The following MDGA2 variants were observed in gnomAD, a reference collection of about 807,000 sequenced individuals.
MDGA2 encodes MAM domain-containing glycosylphosphatidylinositol anchor protein 2.
Under a neutral mutation model 117.8 loss-of-function variants are expected in MDGA2, and 40 were observed. The ratio of observed to expected loss-of-function variants is 0.34; its 90% confidence interval spans 0.26 to 0.44. The LOEUF (loss-of-function observed/expected upper bound fraction) is 0.44, where lower values mean the gene tolerates loss of function less well. Ranked by LOEUF, MDGA2 falls within the 20% of genes least tolerant of loss-of-function variation. The pLI is 1.00. For synonymous variants in MDGA2, 452 were observed against 439.0 expected (o/e 1.03, Z -0.37); for missense variants, 1,123 against 1,250.6 (o/e 0.90, Z 1.54).
chr14:47,631,920 A>AT (rs1364547320), intron 1 of MDGA2, among the ~76,000 whole-genome samples: 2 of 145,010 alleles, frequency 1.4e-5, no homozygotes, highest in Non-Finnish European at 3.1e-5. Context: ...ACATTACGAG[A>AT]TTTTTTTAAG....
At chr14:46,919,874 C>A (rs892064410) in intron 10 of MDGA2, 138 bp downstream of exon 10, 6 of 654,992 alleles carry the variant, frequency 9.2e-6, no homozygotes, top group Non-Finnish European at 1.4e-5. Context: ...GAAAACATAT[C>A]TATCTGTCTA....
At chr14:47,416,036 T>A (rs185558847) in intron 1 of MDGA2, among the ~76,000 whole-genome samples, 10 of 152,250 alleles carry the variant, frequency 6.6e-5, no homozygotes, top group Admixed American at 5.2e-4. Flanking sequence ...CTGCCCAAAT[T>A]TGTGACTTTT....
intron 3 of MDGA2, chr14:47,200,920 G>A (rs533453281): frequency 1.2e-6 from 1 of 845,012 alleles, no homozygotes. Flanking sequence ...TGGTCTTGTG[G>A]GGCAGCAAGC....
intron 6 of MDGA2, among the ~76,000 whole-genome samples, chr14:47,064,975 G>A (rs1205175537): frequency 2.6e-5 from 4 of 152,012 alleles, no homozygotes; most frequent in Non-Finnish European, 5.9e-5. Flanking sequence ...ATGGAAAAAG[G>A]ATAGCAGAAA....
intron 1 of MDGA2, among the ~76,000 whole-genome samples, chr14:47,609,599 T>C (rs1397577649): frequency 1.3e-5 from 2 of 151,162 alleles, no homozygotes; most frequent in Middle Eastern, 3.4e-3. Context: ...TCTGGGTAGA[T>C]ACCCAGTAGT....
chr14:47,168,871 T>C (rs1429384210), intron 3 of MDGA2, among the ~76,000 whole-genome samples: 1 of 152,122 alleles, frequency 6.6e-6, no homozygotes, highest in Non-Finnish European at 1.5e-5. Context: ...GACTGGGAAC[T>C]AAATCACCTA....
intron 2 of MDGA2, among the ~76,000 whole-genome samples, chr14:47,220,017 T>G (rs895569844): frequency 2.0e-5 from 3 of 152,004 alleles, no homozygotes; most frequent in African/African-American, 7.2e-5. Flanking sequence ...TAAAGAAGTT[T>G]TAAAAATGAA....
chr14:47,618,107 CATT>C (rs1896980262), intron 1 of MDGA2, among the ~76,000 whole-genome samples: 1 of 152,066 alleles, frequency 6.6e-6, no homozygotes, highest in Admixed American at 6.6e-5. Context: ...TAATTATCAT[CATT>C]ATGGCCAAAA....
At chr14:47,371,334 A>C (rs1453352628) in intron 1 of MDGA2, among the ~76,000 whole-genome samples, 9 of 151,824 alleles carry the variant, frequency 5.9e-5, no homozygotes, top group Non-Finnish European at 8.9e-5. Context: ...CTAAAGTACT[A>C]CTTAAAGTCT....
chr14:47,053,258 T>G (rs1356603743), intron 7 of MDGA2, among the ~76,000 whole-genome samples: 4 of 151,934 alleles, frequency 2.6e-5, no homozygotes, highest in Admixed American at 6.6e-5. Flanking sequence ...CTTCTTATTC[T>G]CTTCTTGGGT....
Position 47,397,428 on chromosome 14 carries a change from T to C in MDGA2, c.281-95878A>G, listed in dbSNP as rs984777091. Among the ~76,000 whole-genome samples the C allele has an allele frequency of 3.9e-5, 6 of 152,150 alleles. No individual in the cohort carries two copies. In the East Asian group the frequency reaches 1.2e-3, roughly 29 times the overall value. Reference sequence around the variant, plus strand: ...AACCACCATGGCATATGTATACCTATGTAACAAACCTGAACGTTCTGCACG... The same window carrying C: ...AACCACCATGGCATATGTATACCTACGTAACAAACCTGAACGTTCTGCACG... On this transcript the variant is annotated intron_variant, in intron 1 of 16. Coordinates refer to ENST00000399232, the MANE Select transcript of MDGA2 (RefSeq NM_001113498.3).
At chr14:47,073,829 A>C (rs1434297490) in intron 6 of MDGA2, among the ~76,000 whole-genome samples, 1 of 152,144 alleles carries the variant, frequency 6.6e-6, no homozygotes, top group Non-Finnish European at 1.5e-5. Context: ...TTAGCTTTCA[A>C]TCACTCTAGA....
chr14:47,534,909 G>A (rs180833036), intron 1 of MDGA2, among the ~76,000 whole-genome samples: 5 of 152,308 alleles, frequency 3.3e-5, no homozygotes, highest in South Asian at 4.1e-4. Flanking sequence ...TCACAGATCC[G>A]TTTGGACACA....
chr14:47,321,730 C>T (rs1376412663), intron 1 of MDGA2, among the ~76,000 whole-genome samples: 2 of 152,138 alleles, frequency 1.3e-5, no homozygotes, highest in East Asian at 1.9e-4. Flanking sequence ...GCTTACAAAC[C>T]AAGAGCAGTG....
rs1890687799 is a variant in MDGA2 at position 47,080,936 on chromosome 14, T to C, written c.1195+15918A>G. On this transcript the variant is annotated intron_variant, in intron 6 of 16. Transcript: ENST00000399232. The stretch of plus-strand genomic sequence containing the variant: ...CATATCCTACTTTTACTTTTATTCA[T>C]GGTCAACTTCTTCAAATCATCCAAC... 5.3e-5 allele frequency among the ~76,000 whole-genome samples: 8 copies of C among 152,330 alleles called. No homozygotes were observed. In the South Asian group the frequency reaches 1.7e-3, roughly 32 times the overall value.
chr14:47,562,388 G>A (rs943916896), intron 1 of MDGA2, among the ~76,000 whole-genome samples: 3 of 152,054 alleles, frequency 2.0e-5, no homozygotes, highest in South Asian at 2.1e-4. Context: ...TGGTTGGTTG[G>A]CAGGCTTTTT....
intron 1 of MDGA2, among the ~76,000 whole-genome samples, chr14:47,582,218 T>A (rs1005294394): frequency 6.6e-6 from 1 of 151,820 alleles, no homozygotes; most frequent in African/African-American, 2.4e-5. Flanking sequence ...AAGTAGGATA[T>A]GAGACATAAA....
chr14:46,924,476 C>T (rs562175288), intron 9 of MDGA2, among the ~76,000 whole-genome samples: 76 of 152,052 alleles, frequency 5.0e-4, no homozygotes, highest in African/African-American at 1.7e-3. Context: ...GAAAATAATT[C>T]ACATTTTGGA....
chr14:46,914,783 G>C (rs1883838343), intron 10 of MDGA2, among the ~76,000 whole-genome samples: 1 of 151,940 alleles, frequency 6.6e-6, no homozygotes, highest in Non-Finnish European at 1.5e-5. Flanking sequence ...TGTAATCAAG[G>C]CAATGTTTGA....
Sources: gnomAD v4.1 joint callset for allele counts (sites outside exome capture counted in the v4.1 genomes callset) on GRCh38, gnomAD v4.1.1 for gene constraint, MANE v1.5 for transcripts, NCBI Gene and HGNC (gene_info 2026-07-23, HGNC 2026-07-21) for gene names.